The following PACRG variants were observed in gnomAD, a reference collection of about 807,000 sequenced individuals.
The protein encoded by PACRG is parkin coregulated gene protein.
Under a neutral mutation model 29.7 loss-of-function variants are expected in PACRG, and 29 were observed. That is an observed-to-expected ratio of 0.98 (90% CI 0.73 to 1.33). The LOEUF is 1.33. Ranked by LOEUF, PACRG falls within the 40% of genes most tolerant of loss-of-function variation. The pLI is 0.00. For synonymous variants in PACRG, 116 were observed against 118.7 expected (o/e 0.98, Z 0.15); for missense variants, 279 against 316.2 (o/e 0.88, Z 0.89).
intron 1 of PACRG, among the ~76,000 whole-genome samples, chr6:162,747,679 G>C (rs914244449): frequency 2.0e-5 from 3 of 151,096 alleles, no homozygotes; most frequent in Admixed American, 6.6e-5. Context: ...CAACCAGATT[G>C]AGCGAGCCAG....
At chr6:162,865,064 A>G (rs1792183735) in intron 2 of PACRG, among the ~76,000 whole-genome samples, 1 of 152,198 alleles carries the variant, frequency 6.6e-6, no homozygotes, top group Non-Finnish European at 1.5e-5. Flanking sequence ...ACTAAATGTT[A>G]ACCGAACATT....
rs113854393 is a variant in PACRG at position 163,307,463 on chromosome 6, G to C, written c.614-7364G>C. On this transcript the variant is annotated intron_variant, in intron 4 of 4. Coordinates refer to ENST00000366888, the MANE Select transcript of PACRG (RefSeq NM_001080379.2). Reference sequence around the variant, plus strand: ...GGGTAAGCCCTTGGGCATCTCTAGCGTGCCAGATGCCGTGGTTATTGTAAG... The same window carrying C: ...GGGTAAGCCCTTGGGCATCTCTAGCCTGCCAGATGCCGTGGTTATTGTAAG... Among the ~76,000 whole-genome samples the C allele has an allele frequency of 9.9e-4, 151 of 152,320 alleles. 1 individual carries two copies. The South Asian group carries it at 0.01, about 10-fold the overall frequency.
chr6:163,084,641 T>C (rs1813378337), intron 3 of PACRG, among the ~76,000 whole-genome samples: 1 of 152,052 alleles, frequency 6.6e-6, no homozygotes, highest in Admixed American at 6.6e-5. Flanking sequence ...TCACTGTCAA[T>C]CCAATAACGT....
At chr6:163,193,475 A>C (rs1368479740) in intron 4 of PACRG, among the ~76,000 whole-genome samples, 1 of 152,174 alleles carries the variant, frequency 6.6e-6, no homozygotes, top group Non-Finnish European at 1.5e-5. Flanking sequence ...GAAAACTATC[A>C]ACAAGGCGAT....
At chr6:163,216,229 A>G (rs1211519554) in intron 4 of PACRG, among the ~76,000 whole-genome samples, 1 of 152,166 alleles carries the variant, frequency 6.6e-6, no homozygotes, top group Non-Finnish European at 1.5e-5. Context: ...GATCTGGGAC[A>G]CCAGGGTGAT....
chr6:163,120,420 C>T (rs1172599850), intron 4 of PACRG, among the ~76,000 whole-genome samples: 3 of 152,008 alleles, frequency 2.0e-5, no homozygotes, highest in African/African-American at 2.4e-5. Flanking sequence ...CCTTTAGGGG[C>T]GCTGTTGGGG....
chr6:163,286,773 A>G (rs926515271), intron 4 of PACRG, among the ~76,000 whole-genome samples: 1 of 152,212 alleles, frequency 6.6e-6, no homozygotes, highest in Non-Finnish European at 1.5e-5. Flanking sequence ...AGGTCACTTT[A>G]AAACTACATA....
Position 163,256,899 on chromosome 6 carries a change from C to T in PACRG, c.614-57928C>T, listed in dbSNP as rs150873302. On this transcript the variant is annotated intron_variant, in intron 4 of 4. Coordinates refer to ENST00000366888, the MANE Select transcript of PACRG (RefSeq NM_001080379.2). ...AAGGTGTTGGCCATGTCGTTTCCTT[C>T]GAGAGGCTCTGAGGGAGACTAAAGG... 1.9e-3 allele frequency among the ~76,000 whole-genome samples: 286 copies of T among 152,266 alleles called. 1 individual carries two copies. Among genetic ancestry groups the T allele is most frequent in the African/African-American group, 6.6e-3 (273 of 41,550 alleles).
chr6:163,144,452 T>TA (rs1295283309), intron 4 of PACRG, among the ~76,000 whole-genome samples: 1 of 151,882 alleles, frequency 6.6e-6, no homozygotes, highest in Non-Finnish European at 1.5e-5. Flanking sequence ...AACACACGAA[T>TA]AAAAATTGTA....
chr6:163,177,334 G>A (rs1166751280), intron 4 of PACRG, among the ~76,000 whole-genome samples: 2 of 152,130 alleles, frequency 1.3e-5, no homozygotes, highest in Non-Finnish European at 2.9e-5. Context: ...CTCTGTTTTC[G>A]AGCATGTCCA....
chr6:163,066,669 G>C (rs1585132987), intron 3 of PACRG, among the ~76,000 whole-genome samples: 1 of 152,010 alleles, frequency 6.6e-6, no homozygotes, highest in African/African-American at 2.4e-5. Context: ...AGCAAGGAAG[G>C]GCTAAGAACC....
chr6:162,992,916 G>A (rs147833851), intron 2 of PACRG, among the ~76,000 whole-genome samples: 1,952 of 151,714 alleles, frequency 0.013, 40 homozygotes, highest in African/African-American at 0.043. Context: ...CTTTGAGTGC[G>A]TCCCAGAGAT....
At chr6:162,829,973 A>G (rs1446884302) in intron 2 of PACRG, among the ~76,000 whole-genome samples, 1 of 152,224 alleles carries the variant, frequency 6.6e-6, no homozygotes, top group African/African-American at 2.4e-5. Context: ...TGTGGTATAG[A>G]AAGTTAACAG....
intron 3 of PACRG, among the ~76,000 whole-genome samples, chr6:163,078,656 C>T (rs181609146): frequency 2.6e-5 from 4 of 152,222 alleles, no homozygotes; most frequent in Admixed American, 6.5e-5. Context: ...GCCTAAATTA[C>T]GGCAACATTT....
At chr6:163,144,756 G>T (rs918506429) in intron 4 of PACRG, among the ~76,000 whole-genome samples, 1 of 152,100 alleles carries the variant, frequency 6.6e-6, no homozygotes, top group South Asian at 2.1e-4. Flanking sequence ...GCGACAGAGC[G>T]AGACTCTCTC....
chr6:163,264,281 T>C (rs542263722), intron 4 of PACRG, among the ~76,000 whole-genome samples: 1 of 152,352 alleles, frequency 6.6e-6, no homozygotes, highest in South Asian at 2.1e-4. Context: ...TGGGCAAGGC[T>C]GATTTCCATC....
intron 4 of PACRG, among the ~76,000 whole-genome samples, chr6:163,150,460 G>C (rs368633018): frequency 1.3e-5 from 2 of 152,164 alleles, no homozygotes; most frequent in East Asian, 3.9e-4. Flanking sequence ...ACCACTCCTT[G>C]TCCCTTGACC....
intron 4 of PACRG, among the ~76,000 whole-genome samples, chr6:163,239,725 C>T (rs1782390443): frequency 6.8e-6 from 1 of 147,340 alleles, no homozygotes; most frequent in African/African-American, 2.5e-5. Context: ...CACACTCCCA[C>T]ATACACACAC....
At chr6:163,191,478 G>T (rs1171720680) in intron 4 of PACRG, 2 of 361,672 alleles carry the variant, frequency 5.5e-6, no homozygotes, top group African/African-American at 4.3e-5. Flanking sequence ...CCTTGGGGGA[G>T]GTCACAGCCT....
Sources: gnomAD v4.1 joint callset for allele counts (sites outside exome capture counted in the v4.1 genomes callset) on GRCh38, gnomAD v4.1.1 for gene constraint, MANE v1.5 for transcripts, NCBI Gene and HGNC (gene_info 2026-07-23, HGNC 2026-07-21) for gene names.